Variants in ZNF317 observed in about 807,000 individuals in gnomAD.
ZNF317 encodes the protein zinc finger protein 317, also known as KRAB-containing zinc finger protein 317.
ZNF317 carries 17 observed loss-of-function variants against 23.4 expected under a neutral mutation model. The observed-to-expected ratio is 0.73, with a 90% CI of 0.50 to 1.09. The LOEUF (loss-of-function observed/expected upper bound fraction) is 1.09. ZNF317 is among the 50% of genes least tolerant of loss of function. ZNF317 has a pLI of 0.00. For synonymous variants in ZNF317, 317 were observed against 314.9 expected, an observed-to-expected ratio of 1.01 and a Z score of -0.07; for missense variants, 679 against 796.7, an observed-to-expected ratio of 0.85 and a Z score of 1.78.
At chr19:9,155,620 G>A (rs16978581) in intron 1 of ZNF317, among the ~76,000 whole-genome samples, 36,786 of 152,108 alleles carry the variant, frequency 0.24, 4,912 homozygotes, top group African/African-American at 0.37. Flanking sequence ...CCTCGAAGGT[G>A]AAGGAAGAGC....
In ZNF317 at chr19:9,156,002, T is replaced by G. The variant is rs1467105481; in HGVS notation, c.-15T>G. On this transcript the variant is annotated 5_prime_UTR_variant, in exon 2 of 7. Transcript: ENST00000247956. ...TGGTGCCCTGCTCAGGCAAACTGAC[T>G]GCCATTCTCTGAGGATGGCAGCTCT... 5 of 1,614,076 alleles carry G rather than the reference T, an allele frequency of 3.1e-6. No homozygotes were observed. The highest frequency in any genetic ancestry group is 1.3e-5 in the African/African-American group (1 of 74,938).
intron 2 of ZNF317, 121 bp downstream of exon 2, chr19:9,156,162 G>A (rs1242384096): frequency 1.0e-5 from 14 of 1,339,296 alleles, no homozygotes; most frequent in Non-Finnish European, 1.3e-5. Context: ...AAGTGGAAAA[G>A]GGGTGGGAAC....
At chr19:9,157,894 A>G (rs1198615459) in intron 4 of ZNF317, 86 bp from the exon 5 acceptor site, 3 of 1,463,258 alleles carry the variant, frequency 2.1e-6, no homozygotes, top group African/African-American at 2.8e-5. Context: ...CAGAACACTG[A>G]AGACCCAAGT....
Position 9,160,444 on chromosome 19 carries a change from A to T in ZNF317, c.799A>T (p.Ser267Cys). ...CTTCAACGACCCTTCAGCCCTTAGGAGCCACGCAAGAACTCACCTCAAAGA... is the reference window on the plus strand; with the variant it reads ...CTTCAACGACCCTTCAGCCCTTAGGTGCCACGCAAGAACTCACCTCAAAGA... ...KAFNDPSALR[S>C]HARTHLKEKP... Residue 267 changes from serine (S) to cysteine (C), a missense_variant, in exon 7 of 7, where the codon AGC becomes TGC. Physicochemically the swap from Ser to Cys is moderately radical, Grantham distance 112. Coordinates refer to ENST00000247956, the MANE Select transcript of ZNF317 (RefSeq NM_020933.5). This position sits in a 1 kb window ranked among gnomAD's most constrained non-coding sequence, Gnocchi z 6.8. 1 of 1,613,904 alleles carries T rather than the reference A, an allele frequency of 6.2e-7. No homozygotes were observed. Among genetic ancestry groups the T allele is most frequent in the Non-Finnish European group, 8.5e-7 (1 of 1,179,966 alleles).
At position 9,162,544 on chromosome 19, in the gene ZNF317, T is replaced by TA. The variant is rs1191479255; in HGVS notation, c.*1112dup. 1 of 144,878 alleles carries TA rather than the reference T, an allele frequency of 6.9e-6. No homozygotes were observed. Among genetic ancestry groups the TA allele is most frequent in the East Asian group, 2.0e-4 (1 of 5,092 alleles). 9.0% of individuals were successfully genotyped at this position (144,878 alleles called of 1,614,324 possible). Reference sequence around the variant, plus strand: ...TTTCCGGTGAATACGGGATTGCACTTACTCTTTCATCACGGAAACAGACCC... The same window carrying TA: ...TTTCCGGTGAATACGGGATTGCACTTAACTCTTTCATCACGGAAACAGACCC... On this transcript the variant is annotated 3_prime_UTR_variant, in exon 7 of 7. Transcript: ENST00000247956.
intron 5 of ZNF317, among the ~76,000 whole-genome samples, 199 bp downstream of exon 5, chr19:9,158,274 C>T (rs1269791315): frequency 2.0e-5 from 3 of 149,470 alleles, no homozygotes; most frequent in Non-Finnish European, 3.0e-5. Flanking sequence ...TTATTGGGCT[C>T]TTTGTCCCAT....
In ZNF317 at chr19:9,157,299, A is replaced by G. The variant is rs762492096; in HGVS notation, c.194A>G (p.Asp65Gly). ...ESVTFQDVAV[D>G]FTEKEWPLLD... ...GTGACTTTCCAAGATGTCGCTGTGG[A>G]CTTTACCGAGAAGGAGTGGCCCTTG... The change falls in exon 4 of 7, where the codon GAC becomes GGC. Residue 65 changes from aspartate to glycine, a missense_variant. Coordinates refer to ENST00000247956, the MANE Select transcript of ZNF317 (RefSeq NM_020933.5). The G allele has an allele frequency of 6.2e-7, 1 of 1,613,962 alleles. No individual in the cohort carries two copies. The highest frequency in any genetic ancestry group is 1.1e-5 in the South Asian group (1 of 91,038).
chr19:9,153,143 G>GTTTTT (rs557129618), intron 1 of ZNF317, among the ~76,000 whole-genome samples: 4 of 139,186 alleles, frequency 2.9e-5, no homozygotes, highest in African/African-American at 1.1e-4. Context: ...TGTCAAGGTA[G>GTTTTT]TTGTTTTTGT....
At chr19:9,146,668 G>T (rs2050686007) in intron 1 of ZNF317, among the ~76,000 whole-genome samples, 2 of 151,592 alleles carry the variant, frequency 1.3e-5, no homozygotes, top group African/African-American at 4.8e-5. Flanking sequence ...GACTTCAAAT[G>T]ATCTGCCCGC....
Position 9,160,907 on chromosome 19 carries a change from G to A in ZNF317, c.1262G>A (p.Arg421Gln), listed in dbSNP as rs368955133. Residue 421 changes from arginine (R) to glutamine (Q), a missense_variant, in exon 7 of 7, where the codon CGG becomes CAG. Physicochemically the swap from Arg to Gln is conservative, Grantham distance 43. Coordinates refer to ENST00000247956, the MANE Select transcript of ZNF317 (RefSeq NM_020933.5). The surrounding 1 kb of genome is among the most constrained non-coding windows in gnomAD (Gnocchi z 6.8). ...ATCGTCAAGAAACCCGTGGAATGTC[G>A]GCAGTGCGGGAAGACCTTCCGAAAC... Reference protein sequence around the residue: ...IHIVKKPVECRQCGKTFRNQS... With the variant: ...IHIVKKPVECQQCGKTFRNQS... The A allele has an allele frequency of 1.8e-5, 29 of 1,613,646 alleles. No homozygotes were observed. Among genetic ancestry groups the A allele is most frequent in the South Asian group, 2.2e-5 (2 of 91,054 alleles).
rs2050873253 is a variant in ZNF317, at chr19:9,162,715, A to G, written c.*1282A>G. 6.6e-6 allele frequency: 1 copy of G among 152,112 alleles called. No homozygotes were observed. The highest frequency in any genetic ancestry group is 1.5e-5 in the Non-Finnish European group (1 of 68,022). 9.4% of individuals were successfully genotyped at this position (152,112 alleles called of 1,614,324 possible). ...AATAACCCTTAAGCCTCATCAAGAAAGGTTTGTTTATAGTATTTTTACTAT... is the reference window on the plus strand; with the variant it reads ...AATAACCCTTAAGCCTCATCAAGAAGGGTTTGTTTATAGTATTTTTACTAT... On this transcript the variant is annotated 3_prime_UTR_variant, in exon 7 of 7. Coordinates refer to ENST00000247956, the MANE Select transcript of ZNF317 (RefSeq NM_020933.5).
intron 3 of ZNF317, chr19:9,157,007 A>G (rs1394272985): frequency 9.4e-6 from 6 of 640,182 alleles, no homozygotes; most frequent in African/African-American, 1.8e-5. Context: ...TAAAGGGCAA[A>G]GCTCTCGGAG....
chr19:9,156,126 T>C, intron 2 of ZNF317, 85 bp downstream of exon 2: 1 of 1,531,122 alleles, frequency 6.5e-7, no homozygotes, highest in Non-Finnish European at 9.0e-7. Context: ...ACGTACACCA[T>C]AGAGGGCTGC....
chr19:9,160,162 G>T lies in ZNF317; in HGVS notation c.517G>T (p.Glu173Ter), dbSNP rs151013441. The change falls in exon 7 of 7, where the codon GAA (glutamate) becomes TAA (stop). Residue 173 changes from glutamate (E) to a stop codon, truncating the protein, a stop_gained. Transcript: ENST00000247956. LOFTEE classifies it low-confidence loss of function (END_TRUNC). The surrounding 1 kb of genome is among the most constrained non-coding windows in gnomAD (Gnocchi z 6.8). Reference protein sequence around the residue: ...EKSTEYAHLFEVFGMDPHLTQ... With the variant: ...EKSTEYAHLF ...GTCCACTGAATACGCTCACTTGTTC[G>T]AAGTCTTTGGCATGGACCCTCATCT... 1 of 1,614,158 alleles carries T rather than the reference G, an allele frequency of 6.2e-7. No homozygotes were observed. The highest frequency in any genetic ancestry group is 8.5e-7 in the Non-Finnish European group (1 of 1,180,028).
chr19:9,160,633 G>C lies in ZNF317; in HGVS notation c.988G>C (p.Gly330Arg). Residue 330 changes from glycine to arginine, a missense_variant, in exon 7 of 7, where the codon GGA becomes CGA. Transcript: ENST00000247956. This position sits in a 1 kb window ranked among gnomAD's most constrained non-coding sequence, Gnocchi z 6.8. ...HLIAHKRTHTGERPYECHDCG... is the reference protein window; with the variant it reads ...HLIAHKRTHTRERPYECHDCG... ...CATCGCACACAAGAGAACGCACACCGGAGAGAGGCCCTACGAGTGTCACGA... is the reference window on the plus strand; with the variant it reads ...CATCGCACACAAGAGAACGCACACCCGAGAGAGGCCCTACGAGTGTCACGA... The C allele has an allele frequency of 6.2e-7, 1 of 1,614,122 alleles. No homozygotes were observed. The highest frequency in any genetic ancestry group is 8.5e-7 in the Non-Finnish European group (1 of 1,180,034).
chr19:9,156,190 C>A, intron 2 of ZNF317, 149 bp downstream of exon 2: 2 of 977,830 alleles, frequency 2.0e-6, no homozygotes, highest in South Asian at 1.4e-5. Context: ...CAGCAGCCAC[C>A]CCAGTGACTG....
intron 1 of ZNF317, among the ~76,000 whole-genome samples, chr19:9,143,292 TTTC>T (rs2050651043): frequency 6.6e-6 from 1 of 152,118 alleles, no homozygotes; most frequent in Non-Finnish European, 1.5e-5. Context: ...TGTTGTCAGT[TTTC>T]TTCTTAAAGA....
At chr19:9,148,358 C>A (rs767636386) in intron 1 of ZNF317, among the ~76,000 whole-genome samples, 2 of 152,210 alleles carry the variant, frequency 1.3e-5, no homozygotes, top group Non-Finnish European at 2.9e-5. Context: ...GTTCCACAGA[C>A]TGAATTGATG....
intron 1 of ZNF317, among the ~76,000 whole-genome samples, chr19:9,148,625 C>T (rs2050709210): frequency 6.6e-6 from 1 of 152,194 alleles, no homozygotes; most frequent in African/African-American, 2.4e-5. Context: ...ATCATCCATT[C>T]ATTCTTTCAT....
Sources: gnomAD v4.1 joint callset for allele counts (sites outside exome capture counted in the v4.1 genomes callset) on GRCh38, gnomAD v4.1.1 for gene constraint, Gnocchi (gnomAD v3.1) non-coding constraint, MANE v1.5 for transcripts, NCBI Gene and HGNC (gene_info 2026-07-23, HGNC 2026-07-21) for gene names.